The following CHAF1B variants were observed in gnomAD, a reference collection of about 807,000 sequenced individuals.
CHAF1B encodes CAF-1 subunit B.
CHAF1B carries 10 observed loss-of-function variants against 60.7 expected under a neutral mutation model. The ratio of observed to expected loss-of-function variants is 0.16; its 90% CI spans 0.10 to 0.28. CHAF1B has a LOEUF of 0.28. Ranked by LOEUF, CHAF1B falls within the 10% of genes least tolerant of loss-of-function variation. The pLI, the probability that CHAF1B is intolerant of heterozygous loss-of-function variation, is 1.00. For synonymous variants in CHAF1B, 261 were observed against 266.1 expected (o/e 0.98, Z 0.19); for missense variants, 558 against 708.4 (o/e 0.79, Z 2.41).
At chr21:36,402,631 A>T (rs2086200388) in intron 7 of CHAF1B, 127 bp from the exon 8 acceptor site, 1 of 696,494 alleles carries the variant, frequency 1.4e-6, no homozygotes, top group Non-Finnish European at 2.5e-6. Flanking sequence ...TATGTAAAGA[A>T]AACCATAGGC....
At chr21:36,402,574 TA>T (rs2086200065) in intron 7 of CHAF1B, among the ~76,000 whole-genome samples, 183 bp from the exon 8 acceptor site, 1 of 152,252 alleles carries the variant, frequency 6.6e-6, no homozygotes, top group South Asian at 2.1e-4. Context: ...ATTTGATTTG[TA>T]ATGTGTTTCA....
chr21:36,404,499 A>G (rs997725743), intron 8 of CHAF1B, among the ~76,000 whole-genome samples: 10 of 143,928 alleles, frequency 6.9e-5, no homozygotes, highest in African/African-American at 2.3e-4. Flanking sequence ...CAATGGCACG[A>G]TCTCGGCTCA....
intron 8 of CHAF1B, among the ~76,000 whole-genome samples, chr21:36,405,329 CTT>C (rs1234882397): frequency 6.6e-6 from 1 of 152,006 alleles, no homozygotes; most frequent in Admixed American, 6.6e-5. Context: ...AAATTCCTAT[CTT>C]TCGTCTATAT....
At chr21:36,403,664 A>G (rs2086211149) in intron 8 of CHAF1B, among the ~76,000 whole-genome samples, 1 of 152,192 alleles carries the variant, frequency 6.6e-6, no homozygotes, top group Non-Finnish European at 1.5e-5. Context: ...TCAAAATCAA[A>G]AGGTCAGCCA....
intron 13 of CHAF1B, 94 bp from the exon 14 acceptor site, chr21:36,416,181 G>T (rs909004381): frequency 9.1e-7 from 1 of 1,098,216 alleles, no homozygotes; most frequent in Non-Finnish European, 1.3e-6. Flanking sequence ...AGGCAGCTCA[G>T]TTCCGTGTCT....
At chr21:36,392,403 A>T (rs964724779) in intron 4 of CHAF1B, among the ~76,000 whole-genome samples, 1 of 152,216 alleles carries the variant, frequency 6.6e-6, no homozygotes, top group African/African-American at 2.4e-5. Context: ...CAAAACCGCC[A>T]TCGTCATCAT....
intron 8 of CHAF1B, among the ~76,000 whole-genome samples, chr21:36,405,639 C>T (rs2086232329): frequency 6.6e-6 from 1 of 151,990 alleles, no homozygotes; most frequent in Non-Finnish European, 1.5e-5. Context: ...CTATGTTGCC[C>T]AGGCTGGTCT....
At chr21:36,403,981 A>G (rs1242350676) in intron 8 of CHAF1B, among the ~76,000 whole-genome samples, 1 of 152,184 alleles carries the variant, frequency 6.6e-6, no homozygotes, top group Non-Finnish European at 1.5e-5. Context: ...ACTGCGGAAC[A>G]TGTGCGAATG....
At position 36,386,193 on chromosome 21, in the gene CHAF1B, G is replaced by A; in HGVS notation, c.57G>A (p.Leu19=). ...ACAACAAGGAGCCCGTGTACAGCCTGGACTTCCAGCATGGGACGGCTGGGA... is the reference window on the plus strand; with the variant it reads ...ACAACAAGGAGCCCGTGTACAGCCTAGACTTCCAGCATGGGACGGCTGGGA... ...AWHNKEPVYS[L]DFQHGTAGRI... is the part of the protein sequence containing the mutation. Residue 19 remains leucine (L), a synonymous_variant, in exon 2 of 14, where the codon CTG becomes CTA. Coordinates refer to ENST00000314103, the MANE Select transcript of CHAF1B (RefSeq NM_005441.3). 6.2e-7 allele frequency: 1 copy of A among 1,614,190 alleles called. No homozygotes were observed. Among genetic ancestry groups the A allele is most frequent in the African/African-American group, 1.3e-5 (1 of 75,058 alleles).
chr21:36,416,801 A>G lies in CHAF1B; in HGVS notation c.*435A>G, dbSNP rs915304825. 1.3e-5 allele frequency: 2 copies of G among 152,992 alleles called. No homozygotes were observed. The highest frequency in any genetic ancestry group is 4.8e-5 in the African/African-American group (2 of 41,454). The allele number at this position is 152,992 out of a possible 1,614,324, so 9.5% of individuals were successfully genotyped here. ...TGATTGTTAGATTTCACTTCTAAGGAGTTGATTGATTAAACTTTGGAAGGT... is the reference window on the plus strand; with the variant it reads ...TGATTGTTAGATTTCACTTCTAAGGGGTTGATTGATTAAACTTTGGAAGGT... On this transcript the variant is annotated 3_prime_UTR_variant, in exon 14 of 14. Transcript: ENST00000314103.
rs1005313002 is a variant in CHAF1B, at chr21:36,409,855, GT to G, written c.919+405del. On this transcript the variant is annotated intron_variant, in intron 10 of 13. Transcript: ENST00000314103. Reference sequence around the variant, plus strand: ...ACTGGGGTTATCAAAATACATGTCAGTTTTTTTTTTTTTTTCTTTCTTCAGG... The same window carrying G: ...ACTGGGGTTATCAAAATACATGTCAGTTTTTTTTTTTTTTCTTTCTTCAGG... 3.2e-3 allele frequency among the ~76,000 whole-genome samples: 428 copies of G among 133,972 alleles called. 1 individual carries two copies. Among genetic ancestry groups the G allele is most frequent in the African/African-American group, 9.5e-3 (348 of 36,804 alleles). 87.9% of individuals were successfully genotyped at this position (133,972 alleles called of 152,430 possible).
In CHAF1B at chr21:36,397,522, C is replaced by T. The variant is rs766859242; in HGVS notation, c.578+11C>T. 1 of 1,423,114 alleles carries T rather than the reference C, an allele frequency of 7.0e-7. No homozygotes were observed. The highest frequency in any genetic ancestry group is 1.4e-5 in the South Asian group (1 of 71,358). The allele number at this position is 1,423,114 out of a possible 1,614,324, so 88.2% of individuals were successfully genotyped here. ...TCTGAGCTGTGACAGGTAAATTCAG[C>T]TTTGGCATTTACTTGGAATTTCTTT... On this transcript the variant is annotated intron_variant, in intron 6 of 13. Coordinates refer to ENST00000314103, the MANE Select transcript of CHAF1B (RefSeq NM_005441.3).
At chr21:36,394,864 T>C (rs980845639) in intron 5 of CHAF1B, among the ~76,000 whole-genome samples, 1 of 151,696 alleles carries the variant, frequency 6.6e-6, no homozygotes, top group South Asian at 2.1e-4. Context: ...CCCAAGTAGC[T>C]GGGACTACAG....
In CHAF1B at chr21:36,399,576, A is replaced by G. The variant is rs1051925992; in HGVS notation, c.634A>G (p.Met212Val). The G allele has an allele frequency of 6.2e-7, 1 of 1,614,148 alleles. No homozygotes were observed. The highest frequency in any genetic ancestry group is 1.3e-5 in the African/African-American group (1 of 75,052). The change falls in exon 7 of 14, where the codon ATG becomes GTG. Residue 212 changes from methionine to valine, a missense_variant. Coordinates refer to ENST00000314103, the MANE Select transcript of CHAF1B (RefSeq NM_005441.3). ...GCGTGTGGCTTTCAATGTTTCGAAG[A>G]TGCTGTCTGGAATAGGGGCTGAAGG... ...KKRVAFNVSK[M>V]LSGIGAEGEA...
chr21:36,392,479 C>T lies in CHAF1B; in HGVS notation c.377+811C>T, dbSNP rs574348813. Among the ~76,000 whole-genome samples the T allele has an allele frequency of 1.5e-3, 225 of 152,200 alleles. 1 individual carries two copies. The highest frequency in any genetic ancestry group is 2.8e-3 in the Non-Finnish European group (189 of 67,982). On this transcript the variant is annotated intron_variant, in intron 4 of 13. Transcript: ENST00000314103. The stretch of plus-strand genomic sequence containing the variant: ...GGGTGGCGGCCGGGTAGAGGGGCTC[C>T]TCACTTCCCAGACAGGGCGGCCGGG...
chr21:36,388,626 C>G (rs1679655655), intron 3 of CHAF1B, among the ~76,000 whole-genome samples: 1 of 151,992 alleles, frequency 6.6e-6, no homozygotes, highest in Non-Finnish European at 1.5e-5. Flanking sequence ...GCCACCACCC[C>G]CGGCTAATTT....
Position 36,397,486 on chromosome 21 carries a change from T to C in CHAF1B, c.553T>C (p.Tyr185His). 6.4e-7 allele frequency: 1 copy of C among 1,561,078 alleles called. No individual in the cohort carries two copies. Residue 185 changes from tyrosine to histidine, a missense_variant, in exon 6 of 14, where the codon TAT becomes CAT. Tyr to His is a moderately conservative substitution (Grantham distance 83, BLOSUM62 2). Around this residue, in one of 2 missense-constraint regions of CHAF1B, gnomAD observed 325 missense variants for 493.5 expected, o/e 0.66. Coordinates refer to ENST00000314103, the MANE Select transcript of CHAF1B (RefSeq NM_005441.3). ...AGTAACCTGGGACCCTTTGGGTCAATATGTTGCTACTCTGAGCTGTGACAG... is the reference window on the plus strand; with the variant it reads ...AGTAACCTGGGACCCTTTGGGTCAACATGTTGCTACTCTGAGCTGTGACAG... The part of the protein sequence containing the change: ...QGVTWDPLGQ[Y>H]VATLSCDRVL...
chr21:36,393,002 G>C (rs527429586), intron 4 of CHAF1B, among the ~76,000 whole-genome samples: 4 of 152,270 alleles, frequency 2.6e-5, no homozygotes, highest in African/African-American at 9.6e-5. Flanking sequence ...TCGCGATTAG[G>C]AGCTGGAGAC....
At chr21:36,397,729 T>TA in intron 6 of CHAF1B, 1 of 268,120 alleles carries the variant, frequency 3.7e-6, no homozygotes, top group Non-Finnish European at 6.8e-6. Flanking sequence ...CTTTTTTTTT[T>TA]TTTTTTTTTT....
Sources: allele counts gnomAD v4.1 joint callset (sites outside exome capture counted in the v4.1 genomes callset), GRCh38; gene constraint gnomAD v4.1.1; regional missense constraint gnomAD v4.1.1; transcripts MANE v1.5; gene names NCBI Gene and HGNC (gene_info 2026-07-23, HGNC 2026-07-21).